Variants in GATAD2A observed in about 807,000 individuals in gnomAD.
The protein encoded by GATAD2A is transcriptional repressor p66-alpha.
A neutral mutation model predicts 68.5 loss-of-function variants in GATAD2A; 12 were observed. The observed-to-expected ratio is 0.18, with a 90% confidence interval of 0.11 to 0.28. GATAD2A has a LOEUF of 0.28. Ranked by LOEUF, GATAD2A falls within the 10% of genes least tolerant of loss-of-function variation. The probability of loss-of-function intolerance (pLI) is 1.00; values close to 1 mark genes in which losing one functional copy is unlikely to be tolerated. For missense variants in GATAD2A, 755 were observed against 868.5 expected, an observed-to-expected ratio of 0.87 and a Z score of 1.64; for synonymous variants, 410 against 375.3, an observed-to-expected ratio of 1.09 and a Z score of -1.07.
chr19:19,424,369 A>C (rs1323580002), intron 1 of GATAD2A, among the ~76,000 whole-genome samples: 2 of 152,138 alleles, frequency 1.3e-5, no homozygotes, highest in Admixed American at 1.3e-4. Flanking sequence ...AGCTGTGACC[A>C]TAGGCATGAG....
intron 1 of GATAD2A, among the ~76,000 whole-genome samples, chr19:19,422,581 C>G (rs1051940721): frequency 6.6e-6 from 1 of 152,222 alleles, no homozygotes; most frequent in African/African-American, 2.4e-5. Flanking sequence ...GTTGACAGTT[C>G]TGTGAAACAC....
chr19:19,501,867 A>C, intron 9 of GATAD2A, 102 bp from the exon 10 acceptor site: 1 of 829,012 alleles, frequency 1.2e-6, no homozygotes, highest in South Asian at 1.6e-5. Flanking sequence ...CTTGGCGCCT[A>C]AAGTCCCCAG....
chr19:19,492,245 G>A, intron 2 of GATAD2A, 61 bp from the exon 3 acceptor site: 1 of 1,529,876 alleles, frequency 6.5e-7, no homozygotes, highest in Middle Eastern at 1.7e-4. Flanking sequence ...TGTGTCCACA[G>A]GGGTGGGCAC....
chr19:19,465,483 G>A lies in GATAD2A; in HGVS notation c.138G>A (p.Met46Ile). The A allele has an allele frequency of 6.2e-7, 1 of 1,614,030 alleles. No individual in the cohort carries two copies. Residue 46 changes from methionine to isoleucine, a missense_variant, in exon 2 of 12, where the codon ATG becomes ATA. Transcript: ENST00000683918. The part of the protein sequence containing the change: ...LASDLNTDGD[M>I]RVTPEPGAGP... The stretch of plus-strand genomic sequence containing the variant: ...CAGATTTAAACACTGACGGAGACAT[G>A]AGGGTGACACCTGAGCCGGGAGCAG...
intron 1 of GATAD2A, among the ~76,000 whole-genome samples, chr19:19,425,795 C>T (rs891668856): frequency 2.1e-4 from 30 of 143,354 alleles, no homozygotes; most frequent in African/African-American, 7.4e-4. Context: ...CTTTTCTTTT[C>T]TTTTTTTTTT....
intron 1 of GATAD2A, among the ~76,000 whole-genome samples, chr19:19,460,128 C>T (rs1461218042): frequency 6.6e-6 from 1 of 152,232 alleles, no homozygotes; most frequent in Non-Finnish European, 1.5e-5. Flanking sequence ...CTCAACAGGT[C>T]CTTCTGGGCC....
At chr19:19,410,047 A>T (rs1002441543) in intron 1 of GATAD2A, among the ~76,000 whole-genome samples, 2 of 152,178 alleles carry the variant, frequency 1.3e-5, no homozygotes, top group African/African-American at 2.4e-5. Context: ...AGAATGTCAC[A>T]CGTTTGCACC....
intron 2 of GATAD2A, among the ~76,000 whole-genome samples, chr19:19,489,721 AGAT>A (rs2059659904): frequency 6.6e-6 from 1 of 152,258 alleles, no homozygotes; most frequent in South Asian, 2.1e-4. Context: ...GCCCTCAATA[AGAT>A]GATAAGAAGG....
intron 2 of GATAD2A, among the ~76,000 whole-genome samples, chr19:19,475,122 C>G (rs923124851): frequency 6.6e-6 from 1 of 152,246 alleles, no homozygotes; most frequent in Admixed American, 6.5e-5. Context: ...GCTTCCACCC[C>G]CTGCTCTCAG....
intron 1 of GATAD2A, among the ~76,000 whole-genome samples, chr19:19,406,846 G>C (rs7248765): frequency 0.035 from 5,343 of 152,244 alleles, 325 homozygotes; most frequent in African/African-American, 0.12. Context: ...GAAATGAATG[G>C]TGACCCCTCC....
At position 19,422,904 on chromosome 19, in the gene GATAD2A, G is replaced by A. The variant is rs140098855; in HGVS notation, c.-7+16885G>A. ...TTTTTTGTATTTTTAGTAGAGACAG[G>A]GTTTCACCGTTTTAGCCAGGATGGT... On this transcript the variant is annotated intron_variant, in intron 1 of 11. Coordinates refer to ENST00000683918, the MANE Select transcript of GATAD2A (RefSeq NM_001384528.1). 3.9e-3 allele frequency among the ~76,000 whole-genome samples: 594 copies of A among 152,092 alleles called. 4 individuals are homozygous for A. The highest frequency in any genetic ancestry group is 0.014 in the African/African-American group (568 of 41,498).
chr19:19,416,647 T>C (rs1239125373), intron 1 of GATAD2A, among the ~76,000 whole-genome samples: 3 of 152,192 alleles, frequency 2.0e-5, no homozygotes, highest in African/African-American at 4.8e-5. Flanking sequence ...TCTGTTGCCT[T>C]GGTTTATTGC....
At position 19,505,541 on chromosome 19, in the gene GATAD2A, C is replaced by T. The variant is rs2060830821; in HGVS notation, c.*67C>T. The T allele has an allele frequency of 2.2e-6, 3 of 1,381,040 alleles. No individual in the cohort carries two copies. The highest frequency in any genetic ancestry group is 2.0e-6 in the Non-Finnish European group (2 of 1,023,008). The allele number at this position is 1,381,040 out of a possible 1,614,324, so 85.5% of individuals were successfully genotyped here. A position where few individuals can be genotyped will look rare whatever the true frequency, so the allele number is the denominator to read the frequency against. ...ACCTGGCCCCTGGTCTAGAAGGACC[C>T]ACTGCACCACCCTCCGCTGGCTCGG... On this transcript the variant is annotated 3_prime_UTR_variant, in exon 12 of 12. Transcript: ENST00000683918.
intron 1 of GATAD2A, among the ~76,000 whole-genome samples, chr19:19,448,190 A>T (rs1468918566): frequency 1.3e-5 from 2 of 152,244 alleles, no homozygotes; most frequent in Non-Finnish European, 2.9e-5. Flanking sequence ...GACGTCCTAC[A>T]GCTGGGACTC....
At chr19:19,393,473 A>G (rs2048999312) in intron 1 of GATAD2A, among the ~76,000 whole-genome samples, 1 of 152,198 alleles carries the variant, frequency 6.6e-6, no homozygotes, top group African/African-American at 2.4e-5. Flanking sequence ...ATAATTCAGG[A>G]ACAAACACTT....
intron 2 of GATAD2A, among the ~76,000 whole-genome samples, chr19:19,481,412 C>T (rs1038518677): frequency 6.6e-6 from 1 of 152,234 alleles, no homozygotes; most frequent in Admixed American, 6.5e-5. Flanking sequence ...CTCACTGTAG[C>T]CTCCAGCTCC....
chr19:19,505,611 A>G lies in GATAD2A; in HGVS notation c.*137A>G. The stretch of plus-strand genomic sequence containing the variant: ...CAAGAGCAAGCACCGGCCATGCTGC[A>G]GAGGCAAGACCTCAATTCTTGGCTG... On this transcript the variant is annotated 3_prime_UTR_variant, in exon 12 of 12. Coordinates refer to ENST00000683918, the MANE Select transcript of GATAD2A (RefSeq NM_001384528.1). The G allele has an allele frequency of 2.7e-6, 2 of 743,294 alleles. No homozygotes were observed. Among genetic ancestry groups the G allele is most frequent in the Admixed American group, 3.5e-5 (1 of 28,874 alleles). 46.0% of individuals were successfully genotyped at this position (743,294 alleles called of 1,614,324 possible). A position where few individuals can be genotyped will look rare whatever the true frequency, so the allele number is the denominator to read the frequency against.
At chr19:19,495,418 C>A (rs889992997) in intron 5 of GATAD2A, among the ~76,000 whole-genome samples, 11 of 152,096 alleles carry the variant, frequency 7.2e-5, no homozygotes, top group Non-Finnish European at 1.3e-4. Context: ...AAGCAATTCT[C>A]CTGCCTCAGC....
intron 2 of GATAD2A, among the ~76,000 whole-genome samples, chr19:19,466,183 A>G (rs1379180617): frequency 1.3e-5 from 2 of 152,218 alleles, no homozygotes; most frequent in Admixed American, 6.5e-5. Flanking sequence ...GACTTTCCTC[A>G]TATTCACCTT....
Sources: allele counts gnomAD v4.1 joint callset (sites outside exome capture counted in the v4.1 genomes callset), GRCh38; gene constraint gnomAD v4.1.1; transcripts MANE v1.5; gene names NCBI Gene and HGNC (gene_info 2026-07-23, HGNC 2026-07-21).